The following DIAPH2 variants were observed in gnomAD, a reference collection of about 807,000 sequenced individuals.
DIAPH2 encodes diaphanous related formin 2.
A neutral mutation model predicts 92.7 loss-of-function variants in DIAPH2; 35 were observed. That is an observed-to-expected ratio of 0.38 (90% confidence interval 0.29 to 0.50). The LOEUF is 0.50. DIAPH2 is among the 20% of genes least tolerant of loss of function. The pLI, the probability that DIAPH2 is intolerant of heterozygous loss-of-function variation, is 0.94. For synonymous variants in DIAPH2, 301 were observed against 280.4 expected (o/e 1.07, Z -0.73); for missense variants, 701 against 819.5 (o/e 0.86, Z 1.77).
At chrX:96,720,638 A>T (rs552401181) in intron 1 of DIAPH2, among the ~76,000 whole-genome samples, 1 of 111,846 alleles carries the variant, frequency 8.9e-6, no homozygotes, top group East Asian at 2.8e-4. Flanking sequence ...GAGAAGCCAG[A>T]AGAAAATTCA....
intron 17 of DIAPH2, among the ~76,000 whole-genome samples, chrX:97,047,772 G>A (rs1195652961): frequency 9.2e-6 from 1 of 108,245 alleles, no homozygotes; most frequent in Non-Finnish European, 1.9e-5. Flanking sequence ...GGGATCCTCT[G>A]ACTTTGTTCT....
intron 22 of DIAPH2, among the ~76,000 whole-genome samples, chrX:97,201,765 G>A (rs1602413537): frequency 9.0e-6 from 1 of 110,723 alleles, no homozygotes; most frequent in Non-Finnish European, 1.9e-5. Flanking sequence ...CCAGGAGAAC[G>A]TCCCCAACCT....
intron 17 of DIAPH2, among the ~76,000 whole-genome samples, chrX:97,041,543 C>T (rs921145356): frequency 2.7e-5 from 3 of 111,254 alleles, no homozygotes; most frequent in Non-Finnish European, 5.7e-5. Flanking sequence ...CAGTATTTTT[C>T]CTTGGAACTA....
chrX:97,252,744 A>G (rs1186249073), intron 23 of DIAPH2, among the ~76,000 whole-genome samples: 2 of 39,072 alleles, frequency 5.1e-5, no homozygotes, highest in Non-Finnish European at 1.2e-4. Flanking sequence ...TTTTTAATGA[A>G]CATAGTAATT....
chrX:96,908,336 G>T (rs1311573931), intron 5 of DIAPH2, among the ~76,000 whole-genome samples: 1 of 110,706 alleles, frequency 9.0e-6, no homozygotes, highest in Non-Finnish European at 1.9e-5. Flanking sequence ...CCTTCTGTTT[G>T]GTTCTTCATT....
At chrX:97,526,166 T>C (rs1264828169) in intron 26 of DIAPH2, among the ~76,000 whole-genome samples, 1 of 110,765 alleles carries the variant, frequency 9.0e-6, no homozygotes, top group Non-Finnish European at 1.9e-5. Context: ...TCAGACGTGT[T>C]TCCTAACAAA....
intron 22 of DIAPH2, among the ~76,000 whole-genome samples, chrX:97,151,255 A>G (rs1247615438): frequency 9.0e-6 from 1 of 111,478 alleles, no homozygotes; most frequent in Non-Finnish European, 1.9e-5. Flanking sequence ...TTCTTAATGT[A>G]TGTTTTACTT....
chrX:97,373,404 T>C (rs1237730152), intron 24 of DIAPH2, among the ~76,000 whole-genome samples: 1 of 109,733 alleles, frequency 9.1e-6, no homozygotes, highest in Non-Finnish European at 1.9e-5. Context: ...AAACTATTAT[T>C]ATGTAAATCA....
chrX:96,775,056 T>G (rs2064366991), intron 4 of DIAPH2, among the ~76,000 whole-genome samples: 1 of 111,599 alleles, frequency 9.0e-6, no homozygotes, highest in African/African-American at 3.3e-5. Flanking sequence ...TTTTTTTTCT[T>G]TCAAGAATAA....
intron 26 of DIAPH2, among the ~76,000 whole-genome samples, chrX:97,483,426 A>T (rs974332676): frequency 9.0e-6 from 1 of 111,211 alleles, no homozygotes; most frequent in African/African-American, 3.3e-5. Flanking sequence ...AGAGTTTTTT[A>T]AAGTACTGAA....
At chrX:96,758,046 A>T in intron 3 of DIAPH2, 108 bp from the exon 4 acceptor site, 2 of 676,354 alleles carry the variant, frequency 3.0e-6, no homozygotes, top group Non-Finnish European at 4.2e-6. Context: ...ATTAGTCACC[A>T]CATGAATTAG....
intron 26 of DIAPH2, among the ~76,000 whole-genome samples, chrX:97,446,591 G>A (rs750870570): frequency 3.6e-5 from 4 of 111,367 alleles, no homozygotes; most frequent in Admixed American, 9.5e-5. Context: ...GTTCATCCAC[G>A]TGTTTTTGTT....
chrX:97,375,820 C>T (rs2069494897), intron 24 of DIAPH2, among the ~76,000 whole-genome samples: 1 of 111,084 alleles, frequency 9.0e-6, no homozygotes, highest in Non-Finnish European at 1.9e-5. Flanking sequence ...CTTGCAATCC[C>T]TCAGTAGTGA....
In DIAPH2 at chrX:97,144,619, C is replaced by T. The variant is rs4827978; in HGVS notation, c.2719+2825C>T. Among the ~76,000 whole-genome samples, 22 of 8,219 alleles carry T rather than the reference C, an allele frequency of 2.7e-3. 1 individual carries two copies. The highest frequency in any genetic ancestry group is 0.2 in the South Asian group (1 of 5). 7.1% of individuals were successfully genotyped at this position (8,219 alleles called of 115,157 possible). On this transcript the variant is annotated intron_variant, in intron 22 of 26. Coordinates refer to ENST00000324765, the MANE Select transcript of DIAPH2 (RefSeq NM_006729.5). ...TAGATATTTATATATGTGTATATAGCGTGTATATATATATATATATTTTAT... is the reference window on the plus strand; with the variant it reads ...TAGATATTTATATATGTGTATATAGTGTGTATATATATATATATATTTTAT...
At chrX:96,905,743 A>G (rs773116032) in intron 5 of DIAPH2, among the ~76,000 whole-genome samples, 1 of 111,992 alleles carries the variant, frequency 8.9e-6, no homozygotes, top group East Asian at 2.8e-4. Context: ...CCCCCTCACC[A>G]TTATAATTTC....
chrX:97,499,713 G>T (rs2070782224), intron 26 of DIAPH2, among the ~76,000 whole-genome samples: 1 of 112,245 alleles, frequency 8.9e-6, no homozygotes, highest in Admixed American at 9.4e-5. Context: ...TCCATCAACA[G>T]TTGATTGGAT....
At chrX:97,115,106 C>A in intron 21 of DIAPH2, 141 bp downstream of exon 21, 1 of 492,268 alleles carries the variant, frequency 2.0e-6, no homozygotes. Context: ...AATTATATCT[C>A]AATTCAAACA....
chrX:97,273,097 G>C (rs2068404296), intron 23 of DIAPH2, among the ~76,000 whole-genome samples: 1 of 112,037 alleles, frequency 8.9e-6, no homozygotes, highest in African/African-American at 3.2e-5. Flanking sequence ...GGAGGTTGTG[G>C]TGAGCCAAGA....
At chrX:97,052,543 T>C (rs2066527606) in intron 17 of DIAPH2, among the ~76,000 whole-genome samples, 1 of 110,775 alleles carries the variant, frequency 9.0e-6, no homozygotes, top group Non-Finnish European at 1.9e-5. Flanking sequence ...TTGAGGGATC[T>C]TAGAAGCCAG....
Sources: gnomAD v4.1 joint callset for allele counts (sites outside exome capture counted in the v4.1 genomes callset) on GRCh38, gnomAD v4.1.1 for gene constraint, MANE v1.5 for transcripts, NCBI Gene and HGNC (gene_info 2026-07-23, HGNC 2026-07-21) for gene names.